Variants in RBFOX2 observed in about 807,000 individuals in gnomAD.
The protein encoded by RBFOX2 is RNA binding protein fox-1 homolog 2.
RBFOX2 carries 10 observed loss-of-function variants against 49.1 expected under a neutral mutation model. The ratio of observed to expected loss-of-function variants is 0.20; its 90% CI spans 0.13 to 0.35. The LOEUF is 0.35. Among genes scored for constraint, RBFOX2 ranks in the 10% least tolerant of loss-of-function variants. The probability of loss-of-function intolerance (pLI) is 1.00; values close to 1 mark genes in which losing one functional copy is unlikely to be tolerated. For synonymous variants in RBFOX2, 183 were observed against 187.4 expected (o/e 0.98, Z 0.19); for missense variants, 323 against 486.9 (o/e 0.66, Z 3.17).
chr22:35,926,089 T>TC (rs2051601650), intron 1 of RBFOX2, among the ~76,000 whole-genome samples: 1 of 152,250 alleles, frequency 6.6e-6, no homozygotes, highest in African/African-American at 2.4e-5. Context: ...GTCCACCAAC[T>TC]ATGAGGCCTT....
At chr22:35,892,411 T>G (rs987289187) in intron 1 of RBFOX2, among the ~76,000 whole-genome samples, 1 of 152,108 alleles carries the variant, frequency 6.6e-6, no homozygotes, top group African/African-American at 2.4e-5. Context: ...CAAAGCAGCA[T>G]AGAGAGCGCA....
intron 9 of RBFOX2, among the ~76,000 whole-genome samples, chr22:35,754,054 AT>A (rs1936050368): frequency 6.7e-6 from 1 of 150,360 alleles, no homozygotes; most frequent in African/African-American, 2.5e-5. Context: ...AAGTGCTGCG[AT>A]TACACACGTG....
chr22:35,885,534 C>T (rs900451620), intron 1 of RBFOX2, among the ~76,000 whole-genome samples: 7 of 152,060 alleles, frequency 4.6e-5, no homozygotes, highest in Non-Finnish European at 1.0e-4. Flanking sequence ...ATGTAACTAG[C>T]GTATGATGAG....
intron 1 of RBFOX2, among the ~76,000 whole-genome samples, chr22:36,020,293 C>T (rs1350658175): frequency 2.6e-5 from 4 of 152,150 alleles, no homozygotes; most frequent in Non-Finnish European, 5.9e-5. Context: ...AGCATAAAAA[C>T]CCTAGAAGAA....
chr22:36,005,814 C>T (rs1312712855), intron 1 of RBFOX2, among the ~76,000 whole-genome samples: 1 of 152,196 alleles, frequency 6.6e-6, no homozygotes, highest in Non-Finnish European at 1.5e-5. Context: ...ATAACGTGTT[C>T]TAAACTTTTT....
At chr22:36,014,739 G>A (rs904467414) in intron 1 of RBFOX2, among the ~76,000 whole-genome samples, 3 of 151,170 alleles carry the variant, frequency 2.0e-5, no homozygotes, top group Non-Finnish European at 2.9e-5. Context: ...GAAACGCAGA[G>A]TAAGCATAAA....
intron 2 of RBFOX2, among the ~76,000 whole-genome samples, chr22:35,805,183 G>A (rs1354950922): frequency 7.3e-5 from 11 of 151,508 alleles, no homozygotes; most frequent in East Asian, 5.8e-4. Context: ...CCAGCTATGC[G>A]GGAGGCTGAG....
intron 1 of RBFOX2, among the ~76,000 whole-genome samples, chr22:35,864,684 A>G (rs185185419): frequency 8.5e-5 from 13 of 152,368 alleles, no homozygotes; most frequent in African/African-American, 2.9e-4. Flanking sequence ...GGTCTGAATC[A>G]GTTATATTGT....
chr22:36,003,251 T>C lies in RBFOX2; in HGVS notation c.186+24989A>G, dbSNP rs76173331. Among the ~76,000 whole-genome samples the C allele has an allele frequency of 8.9e-3, 1,354 of 152,360 alleles. 16 individuals carry two copies. The highest frequency in any genetic ancestry group is 0.031 in the African/African-American group (1,303 of 41,580). On this transcript the variant is annotated intron_variant, in intron 1 of 13. Coordinates refer to the RBFOX2 transcript ENST00000438146. The stretch of plus-strand genomic sequence containing the variant: ...AAAGCCTGAAGGCCATTACTAGGCG[T>C]TGGCATTCTTTTTGCTCCTCATTCA...
At chr22:35,914,700 C>T (rs1471492504) in intron 1 of RBFOX2, among the ~76,000 whole-genome samples, 2 of 152,198 alleles carry the variant, frequency 1.3e-5, no homozygotes, top group Non-Finnish European at 2.9e-5. Context: ...CACTGAAATC[C>T]ATTCCTCTAC....
At chr22:35,859,599 T>C (rs187503095) in intron 1 of RBFOX2, among the ~76,000 whole-genome samples, 11 of 152,316 alleles carry the variant, frequency 7.2e-5, no homozygotes, top group South Asian at 2.1e-4. Context: ...GAGTAAACCA[T>C]GGAATGGCTG....
intron 1 of RBFOX2, chr22:35,822,882 T>C (rs770247961): frequency 2.4e-6 from 1 of 413,286 alleles, no homozygotes; most frequent in Non-Finnish European, 4.7e-6. Flanking sequence ...TGGAGTGCAG[T>C]GGCACAATCC....
chr22:35,946,931 T>C (rs1466509353), intron 1 of RBFOX2, among the ~76,000 whole-genome samples: 2 of 152,088 alleles, frequency 1.3e-5, no homozygotes, highest in Non-Finnish European at 2.9e-5. Flanking sequence ...GTGGCTCACA[T>C]CTGTAATCCC....
At chr22:35,769,414 C>T (rs982320782) in intron 4 of RBFOX2, among the ~76,000 whole-genome samples, 1 of 152,082 alleles carries the variant, frequency 6.6e-6, no homozygotes, top group Non-Finnish European at 1.5e-5. Context: ...ACCTTCACTC[C>T]GATGTTCACG....
chr22:35,922,172 G>A (rs192049229), intron 1 of RBFOX2, among the ~76,000 whole-genome samples: 1 of 152,332 alleles, frequency 6.6e-6, no homozygotes, highest in East Asian at 1.9e-4. Context: ...ATAATGATAT[G>A]TGAAATTTAA....
chr22:35,880,329 A>G (rs956282458), intron 1 of RBFOX2, among the ~76,000 whole-genome samples: 1 of 152,166 alleles, frequency 6.6e-6, no homozygotes, highest in African/African-American at 2.4e-5. Flanking sequence ...GAAGAAGAAA[A>G]CTGTGGGTTT....
intron 1 of RBFOX2, among the ~76,000 whole-genome samples, chr22:35,930,140 GCT>G (rs2052203812): frequency 6.7e-6 from 1 of 149,626 alleles, no homozygotes; most frequent in Non-Finnish European, 1.5e-5. Flanking sequence ...TCGTGCCTCA[GCT>G]CCCAAGTAGC....
intron 1 of RBFOX2, among the ~76,000 whole-genome samples, chr22:35,935,220 G>A (rs1300277086): frequency 1.3e-5 from 2 of 152,178 alleles, no homozygotes; most frequent in African/African-American, 4.8e-5. Flanking sequence ...ATAGATGTAA[G>A]CCACTGCACT....
intron 2 of RBFOX2, among the ~76,000 whole-genome samples, chr22:35,784,767 G>A (rs1048001885): frequency 6.6e-6 from 1 of 152,228 alleles, no homozygotes; most frequent in Non-Finnish European, 1.5e-5. Context: ...GTGGCCCATG[G>A]GCTTTTGCCC....
Sources: gnomAD v4.1 joint callset for allele counts (sites outside exome capture counted in the v4.1 genomes callset) on GRCh38, gnomAD v4.1.1 for gene constraint, MANE v1.5 for transcripts, NCBI Gene and HGNC (gene_info 2026-07-23, HGNC 2026-07-21) for gene names.